GPM6A: variants seen among roughly 807,000 people sequenced by gnomAD.
The protein encoded by GPM6A is neuronal membrane glycoprotein M6-a.
GPM6A carries 7 observed loss-of-function variants against 32.1 expected under a neutral mutation model. The ratio of observed to expected loss-of-function variants is 0.22; its 90% CI spans 0.12 to 0.41. The LOEUF (loss-of-function observed/expected upper bound fraction) is 0.41, where lower values mean the gene tolerates loss of function less well. GPM6A is among the 10% of genes least tolerant of loss of function. The pLI is 1.00. For synonymous variants in GPM6A, 130 were observed against 123.4 expected, an observed-to-expected ratio of 1.05 and a Z score of -0.35; for missense variants, 235 against 347.2, an observed-to-expected ratio of 0.68 and a Z score of 2.57.
At chr4:175,805,222 G>A (rs960998182) in intron 1 of GPM6A, among the ~76,000 whole-genome samples, 1 of 151,604 alleles carries the variant, frequency 6.6e-6, no homozygotes, top group African/African-American at 2.4e-5. Context: ...AAACTTTGTT[G>A]CATAAAACAA....
chr4:175,969,997 G>A (rs561005998), intron 1 of GPM6A, among the ~76,000 whole-genome samples: 9 of 152,160 alleles, frequency 5.9e-5, no homozygotes, highest in African/African-American at 1.9e-4. Context: ...TTACTTTCAG[G>A]ACCAATTCAG....
At chr4:175,684,118 T>G (rs1743839933) in intron 2 of GPM6A, among the ~76,000 whole-genome samples, 1 of 152,134 alleles carries the variant, frequency 6.6e-6, no homozygotes, top group Non-Finnish European at 1.5e-5. Context: ...CATGAGCCAC[T>G]GCACCCGGCC....
chr4:175,697,733 A>G (rs1479940741), intron 2 of GPM6A, among the ~76,000 whole-genome samples: 1 of 152,182 alleles, frequency 6.6e-6, no homozygotes, highest in Non-Finnish European at 1.5e-5. Flanking sequence ...ATTCTTTGAG[A>G]AATACATTCT....
chr4:175,779,763 GTAGCGTGATTGT>G (rs755473300), intron 1 of GPM6A, among the ~76,000 whole-genome samples: 267 of 152,240 alleles, frequency 1.8e-3, no homozygotes, highest in Non-Finnish European at 3.2e-3. Flanking sequence ...CCACCTGTTG[GTAGCGTGATTGT>G]TAGCTAAAAG....
chr4:175,752,761 A>G lies in GPM6A; in HGVS notation c.38-50994T>C, dbSNP rs564537536. The stretch of plus-strand genomic sequence containing the variant: ...TCCTGCCTTTTAAACTGTGTTCTGG[A>G]GCATCTCCAAGTTGGTTATGCCATC... On this transcript the variant is annotated intron_variant, in intron 1 of 6. Coordinates refer to ENST00000393658, the MANE Select transcript of GPM6A (RefSeq NM_201591.3). 2.0e-5 allele frequency among the ~76,000 whole-genome samples: 3 copies of G among 152,270 alleles called. No individual in the cohort carries two copies. The South Asian group carries it at 6.2e-4, about 32-fold the overall frequency.
intron 3 of GPM6A, among the ~76,000 whole-genome samples, chr4:175,656,424 CAT>C (rs1188834607): frequency 2.0e-5 from 3 of 152,062 alleles, no homozygotes; most frequent in Non-Finnish European, 2.9e-5. Context: ...GATCCTACCA[CAT>C]GTTAGCATTT....
At chr4:175,908,314 G>A (rs1015728698) in intron 1 of GPM6A, among the ~76,000 whole-genome samples, 20 of 152,034 alleles carry the variant, frequency 1.3e-4, no homozygotes, top group Admixed American at 3.9e-4. Flanking sequence ...TATGAATGGG[G>A]CAGTCTATTT....
chr4:175,933,132 A>C (rs192001379), intron 1 of GPM6A, among the ~76,000 whole-genome samples: 22 of 152,298 alleles, frequency 1.4e-4, no homozygotes, highest in African/African-American at 5.3e-4. Flanking sequence ...TCATAAAAAA[A>C]CCAACAACTC....
At chr4:175,915,352 T>C (rs1232743587) in intron 1 of GPM6A, among the ~76,000 whole-genome samples, 1 of 151,640 alleles carries the variant, frequency 6.6e-6, no homozygotes, top group Non-Finnish European at 1.5e-5. Flanking sequence ...AGTGGTGTGA[T>C]CTCAGCTCAC....
At chr4:175,663,401 T>A (rs1418062203) in intron 3 of GPM6A, among the ~76,000 whole-genome samples, 1 of 152,164 alleles carries the variant, frequency 6.6e-6, no homozygotes, top group African/African-American at 2.4e-5. Flanking sequence ...TGGGGAGAGA[T>A]ACTGGTCAAA....
chr4:175,852,379 G>A lies in GPM6A; in HGVS notation c.-22-40130C>T, dbSNP rs73871231. Among the ~76,000 whole-genome samples, 1,040 of 151,706 alleles carry A rather than the reference G, an allele frequency of 6.9e-3. 14 individuals carry two copies. The highest frequency in any genetic ancestry group is 0.023 in the African/African-American group (940 of 41,136). On this transcript the variant is annotated intron_variant, in intron 1 of 7. Transcript: ENST00000280187. ...GGATACTTACGGAGATAAATGAATC[G>A]CCAGAGACCAAATAAAGATTGGCTT... is the stretch of plus-strand genomic sequence containing the variant.
In GPM6A at chr4:175,957,693, C is replaced by T. The variant is rs192512329; in HGVS notation, c.-23+44616G>A. Among the ~76,000 whole-genome samples, 8 of 151,964 alleles carry T rather than the reference C, an allele frequency of 5.3e-5. No individual in the cohort carries two copies. In the East Asian group the frequency reaches 1.4e-3, roughly 26 times the overall value. ...AAACCTGCACGTTCTGCACATGTATCCCAGAATTTAAAGTATATATATTAA... is the reference window on the plus strand; with the variant it reads ...AAACCTGCACGTTCTGCACATGTATTCCAGAATTTAAAGTATATATATTAA... On this transcript the variant is annotated intron_variant, in intron 1 of 7. Transcript: ENST00000280187.
chr4:175,680,509 A>G (rs1284104879), intron 2 of GPM6A, among the ~76,000 whole-genome samples: 1 of 152,216 alleles, frequency 6.6e-6, no homozygotes, highest in Non-Finnish European at 1.5e-5. Flanking sequence ...TTTCTAAGTT[A>G]CATGGATTAG....
intron 1 of GPM6A, among the ~76,000 whole-genome samples, chr4:175,915,923 T>C (rs1226747972): frequency 2.0e-5 from 3 of 152,234 alleles, no homozygotes; most frequent in African/African-American, 7.2e-5. Flanking sequence ...CATCCTCTGC[T>C]ACTTGCGTGC....
rs186384626 is a variant in GPM6A at position 175,753,197 on chromosome 4, A to T, written c.38-51430T>A. ...TATACTTCAGTTATTCTTAACCAGAAAAAGAGTTTAATTTTACCATGAAAC... is the reference window on the plus strand; with the variant it reads ...TATACTTCAGTTATTCTTAACCAGATAAAGAGTTTAATTTTACCATGAAAC... On this transcript the variant is annotated intron_variant, in intron 1 of 6. Coordinates refer to ENST00000393658, the MANE Select transcript of GPM6A (RefSeq NM_201591.3). Among the ~76,000 whole-genome samples, 4 of 152,256 alleles carry T rather than the reference A, an allele frequency of 2.6e-5. No individual in the cohort carries two copies. In the East Asian group the frequency reaches 7.7e-4, roughly 29 times the overall value.
intron 1 of GPM6A, among the ~76,000 whole-genome samples, chr4:175,942,901 T>G (rs1739461195): frequency 6.6e-6 from 1 of 152,180 alleles, no homozygotes; most frequent in African/African-American, 2.4e-5. Context: ...GTAGTTTTTT[T>G]TTCTAATTCT....
chr4:175,761,808 T>TTG (rs1732755507), intron 1 of GPM6A, among the ~76,000 whole-genome samples: 1 of 151,854 alleles, frequency 6.6e-6, no homozygotes, highest in African/African-American at 2.4e-5. Flanking sequence ...CTTTTTTTTT[T>TTG]TTTGAGATTG....
At chr4:175,990,310 C>T (rs1485519740) in intron 1 of GPM6A, among the ~76,000 whole-genome samples, 2 of 152,186 alleles carry the variant, frequency 1.3e-5, no homozygotes, top group African/African-American at 4.8e-5. Context: ...AGCTGCTCGT[C>T]AAGATACTCA....
intron 1 of GPM6A, among the ~76,000 whole-genome samples, chr4:175,824,590 T>G (rs2132338): frequency 0.83 from 125,486 of 151,568 alleles, 53,458 homozygotes; most frequent in Middle Eastern, 0.95. Context: ...CCTGTCATTG[T>G]GGTCAGAAAC....
Sources: allele counts gnomAD v4.1 joint callset (sites outside exome capture counted in the v4.1 genomes callset), GRCh38; gene constraint gnomAD v4.1.1; transcripts MANE v1.5; gene names NCBI Gene and HGNC (gene_info 2026-07-23, HGNC 2026-07-21).